Variants in GPC1 observed in about 807,000 individuals in gnomAD.
The protein encoded by GPC1 is glypican 1.
In GPC1, 26 loss-of-function variants were observed where a neutral mutation model predicts 51.5. The ratio of observed to expected loss-of-function variants is 0.50; its 90% CI spans 0.37 to 0.70. The LOEUF is 0.70. Among genes scored for constraint, GPC1 ranks in the 30% least tolerant of loss-of-function variants. The pLI, the probability that GPC1 is intolerant of heterozygous loss-of-function variation, is 0.00. For synonymous variants in GPC1, 380 were observed against 348.3 expected, an observed-to-expected ratio of 1.09 and a Z score of -1.01; for missense variants, 775 against 800.5, an observed-to-expected ratio of 0.97 and a Z score of 0.38.
rs2073981726 is a variant in GPC1 at position 240,436,074 on chromosome 2, G to A, written c.156G>A (p.Ala52=). The change falls in exon 1 of 9, where the codon GCG becomes GCA. Residue 52 remains alanine (A), a synonymous_variant. Transcript: ENST00000264039. ...TCAGCCTGAGCGACGTGCCCCAGGCGGAGATCTCGGGTGAGTGAGGGCGCG... is the reference window on the plus strand; with the variant it reads ...TCAGCCTGAGCGACGTGCCCCAGGCAGAGATCTCGGGTGAGTGAGGGCGCG... ...KGFSLSDVPQ[A]EISGEHLRIC... 2 of 1,304,006 alleles carry A rather than the reference G, an allele frequency of 1.5e-6. No homozygotes were observed. The highest frequency in any genetic ancestry group is 2.0e-6 in the Non-Finnish European group (2 of 1,024,886). The allele number at this position is 1,304,006 out of a possible 1,614,324, so 80.8% of individuals were successfully genotyped here.
Position 240,466,356 on chromosome 2 carries a change from T to C in GPC1, c.*66T>C, listed in dbSNP as rs965892737. ...TGCCAAAAATACAACACAGACGATA[T>C]TTAATTCACCTCAGCCTGGAGAGGC... is the stretch of plus-strand genomic sequence containing the variant. On this transcript the variant is annotated 3_prime_UTR_variant, in exon 9 of 9. Transcript: ENST00000264039. 4.4e-6 allele frequency: 4 copies of C among 914,544 alleles called. No individual in the cohort carries two copies. The highest frequency in any genetic ancestry group is 3.0e-5 in the South Asian group (2 of 67,358). 56.7% of individuals were successfully genotyped at this position (914,544 alleles called of 1,614,324 possible).
rs1045583115 is a variant in GPC1, at chr2:240,455,518, C to G, written c.167-3512C>G. Among the ~76,000 whole-genome samples, 12 of 152,322 alleles carry G rather than the reference C, an allele frequency of 7.9e-5. No homozygotes were observed. The East Asian group carries it at 2.3e-3, about 29-fold the overall frequency. On this transcript the variant is annotated intron_variant, in intron 1 of 8. Coordinates refer to ENST00000264039, the MANE Select transcript of GPC1 (RefSeq NM_002081.3). ...ACTCACCCCCTAGGTTGGAAAATGC[C>G]TCCCTCTGGGTTGGAGGAGGAGAAA...
intron 1 of GPC1, among the ~76,000 whole-genome samples, chr2:240,439,254 C>G (rs775048817): frequency 9.8e-5 from 15 of 152,330 alleles, no homozygotes; most frequent in South Asian, 2.1e-4. Flanking sequence ...AGGACACCCC[C>G]AGGCCTTCCT....
intron 1 of GPC1, among the ~76,000 whole-genome samples, chr2:240,441,325 G>A (rs1388286478): frequency 6.6e-6 from 1 of 152,272 alleles, no homozygotes; most frequent in African/African-American, 2.4e-5. Flanking sequence ...GACGAGCCAG[G>A]GGAGGGGCTC....
chr2:240,451,040 G>A (rs1172368041), intron 1 of GPC1: 1 of 445,726 alleles, frequency 2.2e-6, no homozygotes, highest in South Asian at 1.7e-5. Flanking sequence ...GCCAGGCCTG[G>A]GACCACCATG....
At chr2:240,439,019 T>G (rs1374105762) in intron 1 of GPC1, among the ~76,000 whole-genome samples, 1 of 152,214 alleles carries the variant, frequency 6.6e-6, no homozygotes, top group Non-Finnish European at 1.5e-5. Context: ...CCAGCAGGCC[T>G]CCTGCTTTTG....
chr2:240,462,834 G>A (rs1339768409), intron 3 of GPC1, among the ~76,000 whole-genome samples: 1 of 152,136 alleles, frequency 6.6e-6, no homozygotes. Flanking sequence ...ACCATCATGG[G>A]CCAGGATGGG....
rs928787479 is a variant in GPC1 at position 240,466,462 on chromosome 2, C to T, written c.*172C>T. ...CAGCCCCAGGCCTGGCCTCGCCTGC[C>T]TTTCTGCCTTTTAATTTTGTATGAG... On this transcript the variant is annotated 3_prime_UTR_variant, in exon 9 of 9. Coordinates refer to ENST00000264039, the MANE Select transcript of GPC1 (RefSeq NM_002081.3). 6.9e-6 allele frequency: 4 copies of T among 581,674 alleles called. No individual in the cohort carries two copies. The East Asian group carries it at 8.4e-5, about 12-fold the overall frequency. 36.0% of individuals were successfully genotyped at this position (581,674 alleles called of 1,614,324 possible).
intron 3 of GPC1, 55 bp from the exon 4 acceptor site, chr2:240,463,292 G>C: frequency 6.5e-7 from 1 of 1,528,606 alleles, no homozygotes; most frequent in Admixed American, 1.7e-5. Context: ...GGGGCTGGCC[G>C]GGGCCAGGCA....
intron 1 of GPC1, among the ~76,000 whole-genome samples, chr2:240,439,086 TGTCTG>T (rs1178124850): frequency 6.6e-6 from 1 of 152,220 alleles, no homozygotes; most frequent in African/African-American, 2.4e-5. Flanking sequence ...GGCCTCCTGA[TGTCTG>T]ATGTGATGTG....
In GPC1 at chr2:240,458,145, A is replaced by G. The variant is rs182698972; in HGVS notation, c.167-885A>G. Reference sequence around the variant, plus strand: ...AAGCCCCGGTTTTCTGGTTAATAAAATGAGGATTGCGGCAGCCTTCATCAC... The same window carrying G: ...AAGCCCCGGTTTTCTGGTTAATAAAGTGAGGATTGCGGCAGCCTTCATCAC... On this transcript the variant is annotated intron_variant, in intron 1 of 8. Coordinates refer to ENST00000264039, the MANE Select transcript of GPC1 (RefSeq NM_002081.3). 505 of 453,480 alleles carry G rather than the reference A, an allele frequency of 1.1e-3. 4 individuals are homozygous for G. Among genetic ancestry groups the G allele is most frequent in the South Asian group, 4.0e-3 (255 of 64,018 alleles). The allele number at this position is 453,480 out of a possible 1,614,324, so 28.1% of individuals were successfully genotyped here. A position where few individuals can be genotyped will look rare whatever the true frequency, so the allele number is the denominator to read the frequency against.
chr2:240,438,840 C>T (rs1310578670), intron 1 of GPC1, among the ~76,000 whole-genome samples: 1 of 152,192 alleles, frequency 6.6e-6, no homozygotes, highest in Non-Finnish European at 1.5e-5. Context: ...ATTTTATGGG[C>T]AAGGAAGCAG....
At chr2:240,440,081 T>C (rs1287691800) in intron 1 of GPC1, among the ~76,000 whole-genome samples, 4 of 152,162 alleles carry the variant, frequency 2.6e-5, no homozygotes, top group African/African-American at 9.7e-5. Context: ...TGACCTCCTG[T>C]GAAGGTGGCC....
chr2:240,441,388 C>CG (rs34962319), intron 1 of GPC1, among the ~76,000 whole-genome samples: 64,256 of 152,220 alleles, frequency 0.42, 14,847 homozygotes, highest in Non-Finnish European at 0.51. Flanking sequence ...CTGCCGTGCC[C>CG]GGGCCAGTGA....
chr2:240,457,553 C>G, intron 1 of GPC1: 2 of 448,096 alleles, frequency 4.5e-6, no homozygotes, highest in Non-Finnish European at 9.6e-6. Flanking sequence ...GGGGTGACTT[C>G]TCTTGCAGTA....
chr2:240,460,116 G>A (rs934946759), intron 2 of GPC1, among the ~76,000 whole-genome samples: 6 of 152,066 alleles, frequency 3.9e-5, no homozygotes, highest in Non-Finnish European at 8.8e-5. Context: ...TCCCGGGAGA[G>A]TCTGCCTGTC....
chr2:240,435,821 G>A lies in GPC1; in HGVS notation c.-98G>A. 1 of 788,658 alleles carries A rather than the reference G, an allele frequency of 1.3e-6. No homozygotes were observed. Among genetic ancestry groups the A allele is most frequent in the Non-Finnish European group, 1.7e-6 (1 of 593,090 alleles). 48.9% of individuals were successfully genotyped at this position (788,658 alleles called of 1,614,324 possible). ...CTGGACCGCGAGCCGCGCGCGCCGG[G>A]ACCTTGGCTCTGCCCTTCGCGGGCG... On this transcript the variant is annotated 5_prime_UTR_variant, in exon 1 of 9. Coordinates refer to ENST00000264039, the MANE Select transcript of GPC1 (RefSeq NM_002081.3).
At position 240,435,930 on chromosome 2, in the gene GPC1, G is replaced by A. The variant is rs754379371; in HGVS notation, c.12G>A (p.Arg4=). The A allele has an allele frequency of 2.1e-5, 26 of 1,262,966 alleles. No individual in the cohort carries two copies. In the Admixed American group the frequency reaches 3.4e-4, roughly 16 times the overall value. The allele number at this position is 1,262,966 out of a possible 1,614,324, so 78.2% of individuals were successfully genotyped here. The part of the protein sequence containing the change: MEL[R]ARGWWLLCAA... ...CCGCCGGCCCCGCCATGGAGCTCCG[G>A]GCCCGAGGCTGGTGGCTGCTATGTG... is the stretch of plus-strand genomic sequence containing the variant. Residue 4 remains arginine (R), a synonymous_variant, in exon 1 of 9, where the codon CGG becomes CGA. Transcript: ENST00000264039.
intron 1 of GPC1, chr2:240,458,632 C>T (rs560464917): frequency 1.1e-5 from 2 of 188,374 alleles, no homozygotes; most frequent in South Asian, 1.4e-4. Flanking sequence ...TGGATTCCTT[C>T]CTCCTTCCCC....
Sources: allele counts gnomAD v4.1 joint callset (sites outside exome capture counted in the v4.1 genomes callset), GRCh38; gene constraint gnomAD v4.1.1; transcripts MANE v1.5; gene names NCBI Gene and HGNC (gene_info 2026-07-23, HGNC 2026-07-21).